The following DHX9 variants were observed in gnomAD, a reference collection of about 807,000 sequenced individuals.
The protein encoded by DHX9 is ATP-dependent RNA helicase A.
In DHX9, 27 loss-of-function variants were observed where a neutral mutation model predicts 148.7. The observed-to-expected ratio is 0.18, with a 90% CI of 0.13 to 0.25. DHX9 has a LOEUF of 0.25. DHX9 is among the 10% of genes least tolerant of loss of function. The probability of loss-of-function intolerance (pLI) is 1.00; values close to 1 mark genes in which losing one functional copy is unlikely to be tolerated. For missense variants in DHX9, 796 were observed against 1,559.6 expected (o/e 0.51, Z 8.25); for synonymous variants, 529 against 516.6 (o/e 1.02, Z -0.33).
At chr1:182,840,337 G>C (rs1044368908) in intron 1 of DHX9, among the ~76,000 whole-genome samples, 2 of 120,542 alleles carry the variant, frequency 1.7e-5, no homozygotes, top group African/African-American at 6.7e-5. Flanking sequence ...GTCTCGCTCT[G>C]TCGCCAGACT....
chr1:182,874,960 T>TGA lies in DHX9; in HGVS notation c.1815+7_1815+8dup, dbSNP rs771071138. 3.7e-6 allele frequency: 6 copies of TGA among 1,603,474 alleles called. No homozygotes were observed. The highest frequency in any genetic ancestry group is 5.1e-6 in the Non-Finnish European group (6 of 1,170,764). On this transcript the variant is annotated splice_region_variant and intron_variant, in intron 16 of 27. Transcript: ENST00000367549. The stretch of plus-strand genomic sequence containing the variant: ...ATGGTGGTGAGGATGATGATGTAAG[T>TGA]GAATTTCATGAAGAATTTCCATTAT...
At position 182,852,338 on chromosome 1, in the gene DHX9, A is replaced by G. The variant is rs774200163; in HGVS notation, c.358A>G (p.Lys120Glu). 2 of 1,608,836 alleles carry G rather than the reference A, an allele frequency of 1.2e-6. No individual in the cohort carries two copies. The highest frequency in any genetic ancestry group is 2.2e-5 in the East Asian group (1 of 44,714). ...ACCTCTTCCTCCACATCTGGCTCTCAAAGCAGGTAAGGGACTTGAATCCAT... is the reference window on the plus strand; with the variant it reads ...ACCTCTTCCTCCACATCTGGCTCTCGAAGCAGGTAAGGGACTTGAATCCAT... ...GGPLPPHLALKAENNSEVGAS... is the reference protein window; with the variant it reads ...GGPLPPHLALEAENNSEVGAS... The change falls in exon 4 of 28, where the codon AAA (lysine) becomes GAA (glutamate). Residue 120 changes from lysine to glutamate, a missense_variant. Lys to Glu is a moderately conservative substitution (Grantham distance 56). Coordinates refer to ENST00000367549, the MANE Select transcript of DHX9 (RefSeq NM_001357.5).
At chr1:182,881,480 C>T (rs1649083530) in intron 23 of DHX9, 40 bp from the exon 24 acceptor site, 1 of 1,608,596 alleles carries the variant, frequency 6.2e-7, no homozygotes. Context: ...ATTTAGTTCT[C>T]TGGTCTTAGA....
intron 3 of DHX9, among the ~76,000 whole-genome samples, chr1:182,848,469 G>T (rs1668071652): frequency 6.6e-6 from 1 of 152,150 alleles, no homozygotes; most frequent in Non-Finnish European, 1.5e-5. Flanking sequence ...TTGTTTCATT[G>T]TATTAGAATG....
At chr1:182,854,281 G>A (rs1668213844) in intron 6 of DHX9, 103 bp downstream of exon 6, 11 of 1,064,428 alleles carry the variant, frequency 1.0e-5, no homozygotes, top group African/African-American at 1.6e-5. Flanking sequence ...TTAATTGTGT[G>A]GATTAGAATT....
chr1:182,855,484 G>A (rs1668237892), intron 6 of DHX9: 1 of 906,686 alleles, frequency 1.1e-6, no homozygotes, highest in Non-Finnish European at 1.3e-6. Context: ...AGAGGTCTGT[G>A]TTCATACACA....
intron 12 of DHX9, among the ~76,000 whole-genome samples, chr1:182,860,544 C>T (rs913013131): frequency 6.6e-6 from 1 of 152,220 alleles, no homozygotes; most frequent in African/African-American, 2.4e-5. Context: ...GGTTAACTTT[C>T]ACTGTATGCC....
intron 2 of DHX9, 37 bp from the exon 3 acceptor site, chr1:182,843,257 C>G: frequency 6.7e-7 from 1 of 1,498,036 alleles, no homozygotes; most frequent in Non-Finnish European, 8.9e-7. Flanking sequence ...CAGAATTACC[C>G]AGGTCAGTCT....
chr1:182,871,557 T>A (rs1306652345), intron 14 of DHX9, among the ~76,000 whole-genome samples: 1 of 152,208 alleles, frequency 6.6e-6, no homozygotes, highest in Non-Finnish European at 1.5e-5. Context: ...TGTTTAGCAC[T>A]CCTGTTTAGA....
chr1:182,875,861 A>G lies in DHX9; in HGVS notation c.1816-189A>G, dbSNP rs767698925. On this transcript the variant is annotated intron_variant, in intron 16 of 27. Transcript: ENST00000367549. The stretch of plus-strand genomic sequence containing the variant: ...CTGTGAGAAATACTAATTAGTGGAA[A>G]AGTTCAGTATATTGATGTAAGCTCT... Among the ~76,000 whole-genome samples, 109 of 152,188 alleles carry G rather than the reference A, an allele frequency of 7.2e-4. 4 individuals carry two copies. The highest frequency in any genetic ancestry group is 1.6e-4 in the Non-Finnish European group (11 of 68,014).
chr1:182,866,393 G>A (rs746048936), intron 12 of DHX9, 51 bp from the exon 13 acceptor site: 3 of 1,582,640 alleles, frequency 1.9e-6, no homozygotes, highest in Non-Finnish European at 1.7e-6. Context: ...TAATAAACAA[G>A]TATATCTAAC....
chr1:182,872,759 A>G (rs141672274), intron 15 of DHX9, among the ~76,000 whole-genome samples: 10 of 152,340 alleles, frequency 6.6e-5, no homozygotes, highest in African/African-American at 1.9e-4. Flanking sequence ...TATAAAGCCA[A>G]ACTTTTAAAA....
intron 25 of DHX9, 47 bp downstream of exon 25, chr1:182,883,415 T>C (rs750994354): frequency 6.3e-7 from 1 of 1,589,424 alleles, no homozygotes; most frequent in Admixed American, 1.7e-5. Context: ...AAATTGTCTT[T>C]ACAATCATTA....
intron 3 of DHX9, among the ~76,000 whole-genome samples, chr1:182,850,114 AT>A (rs1263928376): frequency 6.6e-6 from 1 of 150,650 alleles, no homozygotes; most frequent in African/African-American, 2.4e-5. Context: ...CTGCTCCTTA[AT>A]TTTTTTTAAC....
At chr1:182,856,233 G>T (rs1203453112) in intron 6 of DHX9, among the ~76,000 whole-genome samples, 3 of 152,182 alleles carry the variant, frequency 2.0e-5, no homozygotes, top group Non-Finnish European at 4.4e-5. Context: ...ATGTGTTCTA[G>T]CTCTTGAGAC....
chr1:182,880,456 T>C (rs1409496211), intron 21 of DHX9, 41 bp from the exon 22 acceptor site: 5 of 1,306,960 alleles, frequency 3.8e-6, no homozygotes, highest in African/African-American at 2.9e-5. Context: ...CTAAAATTAG[T>C]GTTCATTTGT....
intron 7 of DHX9, among the ~76,000 whole-genome samples, chr1:182,857,772 C>G (rs1227017204): frequency 6.6e-6 from 1 of 152,156 alleles, no homozygotes; most frequent in Non-Finnish European, 1.5e-5. Context: ...ATTTTTTACT[C>G]TTTGTCTTTT....
intron 12 of DHX9, among the ~76,000 whole-genome samples, chr1:182,864,437 C>T (rs1032357730): frequency 6.6e-5 from 10 of 152,136 alleles, no homozygotes; most frequent in South Asian, 6.2e-4. Context: ...TACTTGTATA[C>T]GCCTTTGATC....
intron 24 of DHX9, among the ~76,000 whole-genome samples, chr1:182,882,790 G>A (rs952416385): frequency 2.6e-5 from 4 of 151,668 alleles, no homozygotes; most frequent in Non-Finnish European, 2.9e-5. Flanking sequence ...GCATGAACCC[G>A]GGAGGCAGAG....
Sources: gnomAD v4.1 joint callset for allele counts (sites outside exome capture counted in the v4.1 genomes callset) on GRCh38, gnomAD v4.1.1 for gene constraint, MANE v1.5 for transcripts, NCBI Gene and HGNC (gene_info 2026-07-23, HGNC 2026-07-21) for gene names.